The following GNA13 variants were observed in gnomAD, a reference collection of about 807,000 sequenced individuals.
GNA13 encodes guanine nucleotide-binding protein subunit alpha-13.
GNA13 carries 4 observed loss-of-function variants against 33.5 expected under a neutral mutation model. The ratio of observed to expected loss-of-function variants is 0.12; its 90% CI spans 0.06 to 0.27. The LOEUF (loss-of-function observed/expected upper bound fraction) is 0.27. Ranked by LOEUF, GNA13 falls within the 10% of genes least tolerant of loss-of-function variation. The pLI, the probability that GNA13 is intolerant of heterozygous loss-of-function variation, is 1.00. For missense variants in GNA13, 319 were observed against 487.2 expected, an observed-to-expected ratio of 0.65 and a Z score of 3.25; for synonymous variants, 176 against 183.8, an observed-to-expected ratio of 0.96 and a Z score of 0.34.
intron 2 of GNA13, among the ~76,000 whole-genome samples, chr17:65,049,997 C>T (rs1907804644): frequency 6.6e-6 from 1 of 152,254 alleles, no homozygotes; most frequent in East Asian, 1.9e-4. Context: ...ATGTGGGAAT[C>T]AAGAGATTAC....
chr17:65,052,443 C>A (rs1012358506), intron 2 of GNA13, among the ~76,000 whole-genome samples: 1 of 152,204 alleles, frequency 6.6e-6, no homozygotes, highest in East Asian at 1.9e-4. Flanking sequence ...CATGAGCCAC[C>A]GTGCCCAGCC....
intron 2 of GNA13, among the ~76,000 whole-genome samples, chr17:65,050,922 A>C (rs1907837790): frequency 6.6e-6 from 1 of 152,168 alleles, no homozygotes; most frequent in South Asian, 2.1e-4. Context: ...CTTAAGGATC[A>C]ACTGGCTCAA....
intron 2 of GNA13, among the ~76,000 whole-genome samples, chr17:65,034,550 G>A (rs754247043): frequency 6.6e-5 from 10 of 152,028 alleles, no homozygotes; most frequent in Middle Eastern, 3.4e-3. Context: ...CACCTGCCTC[G>A]GCCTCCCAAA....
chr17:65,038,475 T>G (rs1907340936), intron 2 of GNA13, among the ~76,000 whole-genome samples: 1 of 152,114 alleles, frequency 6.6e-6, no homozygotes, highest in East Asian at 1.9e-4. Flanking sequence ...TACAGTGGCA[T>G]AATCACGGCT....
In GNA13 at chr17:65,056,453, C is replaced by A. The variant is rs1482570240; in HGVS notation, c.141G>T (p.Arg47=). ...CGCCCAGCAGCAGGATCTTCACCAGCCGCTTCACATAGGTCTTTTCCCGAG... is the reference window on the plus strand; with the variant it reads ...CGCCCAGCAGCAGGATCTTCACCAGACGCTTCACATAGGTCTTTTCCCGAG... ...CLSREKTYVK[R]LVKILLLGAG... The change falls in exon 1 of 4, where the codon CGG becomes CGT. Residue 47 remains arginine, a synonymous_variant. Transcript: ENST00000439174. 6.2e-6 allele frequency: 10 copies of A among 1,613,766 alleles called. No homozygotes were observed. The highest frequency in any genetic ancestry group is 1.6e-4 in the Middle Eastern group (1 of 6,084).
In GNA13 at chr17:65,053,563, C is replaced by T; in HGVS notation, c.449G>A (p.Arg150Lys). 1.9e-6 allele frequency: 3 copies of T among 1,613,988 alleles called. No homozygotes were observed. The highest frequency in any genetic ancestry group is 2.5e-6 in the Non-Finnish European group (3 of 1,179,848). The change falls in exon 2 of 4, where the codon AGA becomes AAA. Residue 150 changes from arginine (R) to lysine (K), a missense_variant. This residue lies in a region of GNA13 where 136 missense variants were observed against 159.3 expected (regional missense o/e 0.85). Coordinates refer to ENST00000439174, the MANE Select transcript of GNA13 (RefSeq NM_006572.6). ...TATGCCGCTGTCTGCCCATAATGCT[C>T]TTATAGCAGGAAGATATTGTAAGAA... ...RVFLQYLPAI[R>K]ALWADSGIQN...
intron 2 of GNA13, among the ~76,000 whole-genome samples, chr17:65,022,011 T>C (rs981674071): frequency 2.0e-5 from 3 of 152,208 alleles, no homozygotes; most frequent in African/African-American, 7.2e-5. Context: ...GGATTGCTCC[T>C]TATATTTAAC....
chr17:65,050,401 T>G (rs9906912), intron 2 of GNA13, among the ~76,000 whole-genome samples: 7,234 of 93,586 alleles, frequency 0.077, 571 homozygotes, highest in African/African-American at 0.18. Context: ...TAAGTCAACA[T>G]AATAATGGAG....
chr17:65,030,046 G>A (rs138153396), intron 2 of GNA13, among the ~76,000 whole-genome samples: 145 of 152,236 alleles, frequency 9.5e-4, no homozygotes, highest in Middle Eastern at 3.4e-3. Context: ...GCAGTGGTAC[G>A]GGAAGATGCT....
At chr17:65,018,632 G>C (rs556412077) in intron 2 of GNA13, among the ~76,000 whole-genome samples, 25 of 152,258 alleles carry the variant, frequency 1.6e-4, no homozygotes, top group African/African-American at 6.0e-4. Context: ...AACTGCTTTT[G>C]AGATAAAACA....
chr17:65,056,304 C>T lies in GNA13; in HGVS notation c.283+7G>A. ...TTAACCCCCGGCCCCCATTCCCGGC[C>T]CGGCACCTTTGATCACGTTGCTGTA... On this transcript the variant is annotated splice_region_variant and intron_variant, in intron 1 of 3. Transcript: ENST00000439174. The T allele has an allele frequency of 1.9e-6, 3 of 1,603,672 alleles. No individual in the cohort carries two copies. In the South Asian group the frequency reaches 3.3e-5, roughly 18 times the overall value.
At position 65,037,778 on chromosome 17, in the gene GNA13, G is replaced by GAAAAAAA. The variant is rs71158360; in HGVS notation, c.510+15717_510+15723dup. The stretch of plus-strand genomic sequence containing the variant: ...GAGAGACCCAGCCTCTACAAAAATG[G>GAAAAAAA]AAAAAAAAAAAAAAAAAAAAAAGAC... On this transcript the variant is annotated intron_variant, in intron 2 of 3. Coordinates refer to ENST00000439174, the MANE Select transcript of GNA13 (RefSeq NM_006572.6). Among the ~76,000 whole-genome samples the GAAAAAAA allele has an allele frequency of 9.1e-4, 90 of 99,154 alleles. 1 individual carries two copies. The highest frequency in any genetic ancestry group is 1.7e-3 in the East Asian group (5 of 2,916). The allele number at this position is 99,154 out of a possible 152,430, so 65.0% of individuals were successfully genotyped here. A position where few individuals can be genotyped will look rare whatever the true frequency, so the allele number is the denominator to read the frequency against.
chr17:65,026,925 T>C lies in GNA13; in HGVS notation c.511-8622A>G, dbSNP rs1415801524. ...TTCCAAGTAGCTGGGATTACAAGCA[T>C]GAGCCACCATGACCAGTTAATTTTG... On this transcript the variant is annotated intron_variant, in intron 2 of 3. Coordinates refer to ENST00000439174, the MANE Select transcript of GNA13 (RefSeq NM_006572.6). Among the ~76,000 whole-genome samples, 3 of 152,144 alleles carry C rather than the reference T, an allele frequency of 2.0e-5. No individual in the cohort carries two copies. In the East Asian group the frequency reaches 5.8e-4, roughly 29 times the overall value.
chr17:65,027,312 G>A (rs867177091), intron 2 of GNA13, among the ~76,000 whole-genome samples: 7 of 66,742 alleles, frequency 1.0e-4, no homozygotes, highest in Admixed American at 8.4e-4. Context: ...CCCCTCCCCC[G>A]CCTTTTTTTT....
rs1567829626 is a variant in GNA13 at position 65,053,618 on chromosome 17, C to T, written c.394G>A (p.Ala132Thr). Residue 132 changes from alanine to threonine, a missense_variant, in exon 2 of 4, where the codon GCA (alanine) becomes ACA (threonine). Ala to Thr is a moderately conservative substitution (Grantham distance 58). Transcript: ENST00000439174. ...MMSFDTRAPM[A>T]AQGMVETRVF... ...CTTGTTTCCACCATTCCTTGGGCTGCCATGGGGGCCCGGGTATCAAACGAC... is the reference window on the plus strand; with the variant it reads ...CTTGTTTCCACCATTCCTTGGGCTGTCATGGGGGCCCGGGTATCAAACGAC... 6 of 1,613,582 alleles carry T rather than the reference C, an allele frequency of 3.7e-6. No homozygotes were observed. The highest frequency in any genetic ancestry group is 5.1e-6 in the Non-Finnish European group (6 of 1,179,500).
In GNA13 at chr17:65,056,363, G is replaced by C; in HGVS notation, c.231C>G (p.Asp77Glu). ...GGCGGAACTCCTCGCGCGCGCGCTG[G>C]TCGAAGTCCTGCCCGTGGATGATCC... ...QMRIIHGQDF[D>E]QRAREEFRPT... The change falls in exon 1 of 4, where the codon GAC becomes GAG. Residue 77 changes from aspartate to glutamate, a missense_variant. Around this residue, in one of 4 missense-constraint regions of GNA13, gnomAD observed 136 missense variants for 159.3 expected, o/e 0.85. Coordinates refer to ENST00000439174, the MANE Select transcript of GNA13 (RefSeq NM_006572.6). The C allele has an allele frequency of 6.2e-7, 1 of 1,613,120 alleles. No individual in the cohort carries two copies. Among genetic ancestry groups the C allele is most frequent in the Non-Finnish European group, 8.5e-7 (1 of 1,179,838 alleles).
At chr17:65,026,155 A>G (rs1251787684) in intron 2 of GNA13, among the ~76,000 whole-genome samples, 1 of 151,716 alleles carries the variant, frequency 6.6e-6, no homozygotes, top group Non-Finnish European at 1.5e-5. Flanking sequence ...ACAATTTTCT[A>G]TATTTTATAC....
At chr17:65,028,096 GGT>G (rs1906860774) in intron 2 of GNA13, among the ~76,000 whole-genome samples, 1 of 152,158 alleles carries the variant, frequency 6.6e-6, no homozygotes, top group South Asian at 2.1e-4. Context: ...CGCGGTGGCG[GGT>G]GCCTGTAGTC....
chr17:65,039,549 G>GT (rs1305004959), intron 2 of GNA13, among the ~76,000 whole-genome samples: 4 of 152,158 alleles, frequency 2.6e-5, no homozygotes, highest in African/African-American at 7.2e-5. Flanking sequence ...CCAGCAGTAA[G>GT]TTTTTTTCCA....
Sources: gnomAD v4.1 joint callset for allele counts (sites outside exome capture counted in the v4.1 genomes callset) on GRCh38, gnomAD v4.1.1 for gene constraint, gnomAD v4.1.1 regional missense constraint, MANE v1.5 for transcripts, NCBI Gene and HGNC (gene_info 2026-07-23, HGNC 2026-07-21) for gene names.